Variants in CTNND2 observed in about 807,000 individuals in gnomAD.
The protein encoded by CTNND2 is catenin delta 2, also known as catenin delta-2.
Under a neutral mutation model 144.4 loss-of-function variants are expected in CTNND2, and 22 were observed. That is an observed-to-expected ratio of 0.15 (90% CI 0.11 to 0.22). The LOEUF (loss-of-function observed/expected upper bound fraction) is 0.22. Ranked by LOEUF, CTNND2 falls within the 10% of genes least tolerant of loss-of-function variation. The pLI is 1.00. For missense variants in CTNND2, 1,353 were observed against 1,618.8 expected, an observed-to-expected ratio of 0.84 and a Z score of 2.82; for synonymous variants, 751 against 695.6, an observed-to-expected ratio of 1.08 and a Z score of -1.25.
intron 14 of CTNND2, among the ~76,000 whole-genome samples, chr5:11,099,409 A>C (rs865858098): frequency 6.6e-6 from 1 of 152,220 alleles, no homozygotes; most frequent in South Asian, 2.1e-4. Flanking sequence ...GTGTAATTCA[A>C]AATTAATTAC....
intron 9 of CTNND2, among the ~76,000 whole-genome samples, chr5:11,270,267 C>T (rs890263518): frequency 2.0e-5 from 3 of 151,918 alleles, no homozygotes; most frequent in African/African-American, 7.3e-5. Flanking sequence ...CACACACACA[C>T]ATATATAATA....
At chr5:11,459,609 CT>C (rs1308110574) in intron 3 of CTNND2, among the ~76,000 whole-genome samples, 1 of 152,120 alleles carries the variant, frequency 6.6e-6, no homozygotes, top group Non-Finnish European at 1.5e-5. Context: ...TCAGGTAGTT[CT>C]TTTATTTGTC....
rs370549876 is a variant in CTNND2, at chr5:11,617,063, C to T, written c.175-52007G>A. The stretch of plus-strand genomic sequence containing the variant: ...TAAAGCATCATCCATCATATCTACT[C>T]GTATCAGACCTGTGGCTATGCATGT... On this transcript the variant is annotated intron_variant, in intron 2 of 21. Transcript: ENST00000304623. Among the ~76,000 whole-genome samples the T allele has an allele frequency of 1.1e-4, 16 of 152,274 alleles. 1 individual carries two copies. The highest frequency in any genetic ancestry group is 9.7e-4 in the East Asian group (5 of 5,178).
intron 11 of CTNND2, among the ~76,000 whole-genome samples, chr5:11,188,777 A>G (rs1735931496): frequency 6.6e-6 from 1 of 152,164 alleles, no homozygotes. Flanking sequence ...TGAAGACTCT[A>G]TGGGATACAG....
intron 3 of CTNND2, among the ~76,000 whole-genome samples, chr5:11,471,630 T>C (rs1767245653): frequency 6.6e-6 from 1 of 152,232 alleles, no homozygotes; most frequent in Non-Finnish European, 1.5e-5. Context: ...CTGACAGGCA[T>C]AGCTTGACTA....
chr5:11,476,046 T>A (rs573129891), intron 3 of CTNND2, among the ~76,000 whole-genome samples: 96 of 151,618 alleles, frequency 6.3e-4, no homozygotes, highest in Non-Finnish European at 1.2e-3. Context: ...TTTTTTTTTT[T>A]TTTTTGTAGA....
intron 18 of CTNND2, among the ~76,000 whole-genome samples, chr5:11,013,108 C>T (rs1168050614): frequency 5.3e-5 from 8 of 152,176 alleles, no homozygotes; most frequent in Non-Finnish European, 1.0e-4. Flanking sequence ...CGAGAGGTGC[C>T]TCCTTATACT....
At chr5:11,368,049 T>C (rs1168159456) in intron 7 of CTNND2, among the ~76,000 whole-genome samples, 1 of 152,204 alleles carries the variant, frequency 6.6e-6, no homozygotes, top group East Asian at 1.9e-4. Context: ...CAATTTTTCA[T>C]ATACAATGCG....
intron 1 of CTNND2, among the ~76,000 whole-genome samples, chr5:11,890,675 G>A (rs1159766359): frequency 6.6e-6 from 1 of 152,144 alleles, no homozygotes; most frequent in Non-Finnish European, 1.5e-5. Flanking sequence ...AACCTTCGAG[G>A]AGGTTGCAGT....
At chr5:11,113,312 G>A (rs1753193223) in intron 13 of CTNND2, among the ~76,000 whole-genome samples, 1 of 152,138 alleles carries the variant, frequency 6.6e-6, no homozygotes, top group African/African-American at 2.4e-5. Context: ...TGAGCAAACT[G>A]CCGCCCAGGG....
chr5:11,510,559 A>C lies in CTNND2; in HGVS notation c.287+54385T>G, dbSNP rs541203720. ...ACTATTATTAGGACTCTCTATAATT[A>C]CACATATTTGTAGGTGGCATTAAAA... On this transcript the variant is annotated intron_variant, in intron 3 of 21. Transcript: ENST00000304623. Among the ~76,000 whole-genome samples the C allele has an allele frequency of 2.0e-4, 30 of 152,350 alleles. No individual in the cohort carries two copies. In the South Asian group the frequency reaches 3.3e-3, roughly 17 times the overall value.
At chr5:11,649,060 C>T (rs945960512) in intron 2 of CTNND2, among the ~76,000 whole-genome samples, 3 of 152,132 alleles carry the variant, frequency 2.0e-5, no homozygotes, top group East Asian at 1.9e-4. Context: ...AATTCTTTGT[C>T]CTCCAAATAT....
intron 9 of CTNND2, among the ~76,000 whole-genome samples, chr5:11,295,856 G>A (rs1389120279): frequency 1.3e-5 from 2 of 151,774 alleles, no homozygotes; most frequent in Admixed American, 6.6e-5. Flanking sequence ...AGACTTACGT[G>A]TTAGACCTAA....
At chr5:11,899,326 T>G (rs1206858621) in intron 1 of CTNND2, among the ~76,000 whole-genome samples, 3 of 152,228 alleles carry the variant, frequency 2.0e-5, no homozygotes, top group Non-Finnish European at 2.9e-5. Flanking sequence ...AAATTTGATC[T>G]TAATCAGGTG....
At chr5:11,556,544 T>C (rs557170153) in intron 3 of CTNND2, among the ~76,000 whole-genome samples, 2 of 152,316 alleles carry the variant, frequency 1.3e-5, no homozygotes, top group South Asian at 4.1e-4. Flanking sequence ...TAACTATTAA[T>C]ATATTAACTG....
chr5:10,985,985 G>A (rs1331987340), intron 20 of CTNND2, among the ~76,000 whole-genome samples: 1 of 152,012 alleles, frequency 6.6e-6, no homozygotes, highest in East Asian at 1.9e-4. Flanking sequence ...AATAACAATC[G>A]GCGTTTACAT....
intron 1 of CTNND2, among the ~76,000 whole-genome samples, chr5:11,835,338 C>T (rs1794121546): frequency 6.6e-6 from 1 of 152,058 alleles, no homozygotes; most frequent in African/African-American, 2.4e-5. Context: ...GAAATATTTC[C>T]TTCCTTCTGT....
At chr5:11,564,764 A>T (rs542053514) in intron 3 of CTNND2, among the ~76,000 whole-genome samples, 180 bp downstream of exon 3, 3 of 152,378 alleles carry the variant, frequency 2.0e-5, no homozygotes, top group South Asian at 4.1e-4. Flanking sequence ...AAGAGTTTCA[A>T]ATACAAATCA....
intron 4 of CTNND2, 145 bp from the exon 5 acceptor site, chr5:11,411,797 G>C: frequency 2.8e-6 from 2 of 707,404 alleles, no homozygotes; most frequent in Non-Finnish European, 4.6e-6. Flanking sequence ...TTAATTTTTG[G>C]TCAACCAACA....
Sources: gnomAD v4.1 joint callset for allele counts (sites outside exome capture counted in the v4.1 genomes callset) on GRCh38, gnomAD v4.1.1 for gene constraint, MANE v1.5 for transcripts, NCBI Gene and HGNC (gene_info 2026-07-23, HGNC 2026-07-21) for gene names.